SEC63: variants seen among roughly 807,000 people sequenced by gnomAD.
SEC63 encodes the protein translocation protein SEC63 homolog.
SEC63 carries 56 observed loss-of-function variants against 116.2 expected under a neutral mutation model. The observed-to-expected ratio is 0.48, with a 90% CI of 0.39 to 0.60. The LOEUF is 0.60. Among genes scored for constraint, SEC63 ranks in the 20% least tolerant of loss-of-function variants. The pLI, the probability that SEC63 is intolerant of heterozygous loss-of-function variation, is 0.00. For missense variants in SEC63, 668 were observed against 900.0 expected (o/e 0.74, Z 3.30); for synonymous variants, 273 against 294.6 (o/e 0.93, Z 0.75).
intron 14 of SEC63, 49 bp downstream of exon 14, chr6:107,897,600 G>A (rs1286277560): frequency 4.0e-6 from 5 of 1,244,834 alleles, no homozygotes; most frequent in South Asian, 3.6e-5. Flanking sequence ...AAATATAAAA[G>A]CCTTGACACA....
At chr6:107,953,534 C>T (rs1770624440) in intron 1 of SEC63, among the ~76,000 whole-genome samples, 1 of 144,822 alleles carries the variant, frequency 6.9e-6, no homozygotes, top group Non-Finnish European at 1.5e-5. Context: ...GGGGTCAGCC[C>T]CCCGCCCGGC....
At chr6:107,954,185 T>C (rs1296931619) in intron 1 of SEC63, among the ~76,000 whole-genome samples, 1 of 152,092 alleles carries the variant, frequency 6.6e-6, no homozygotes, top group Non-Finnish European at 1.5e-5. Context: ...CTGTGCTCTC[T>C]GAAACATGTG....
At chr6:107,927,627 A>C (rs1201908675) in intron 2 of SEC63, among the ~76,000 whole-genome samples, 1 of 152,188 alleles carries the variant, frequency 6.6e-6, no homozygotes, top group East Asian at 1.9e-4. Flanking sequence ...TTTTTCCTTG[A>C]AAACAGGTTC....
At chr6:107,945,975 C>T (rs183680989) in intron 1 of SEC63, among the ~76,000 whole-genome samples, 4 of 152,106 alleles carry the variant, frequency 2.6e-5, no homozygotes, top group African/African-American at 9.6e-5. Context: ...CTTACTCTGT[C>T]GCCCAGGCTG....
At chr6:107,874,450 G>C (rs2114390847) in intron 19 of SEC63, among the ~76,000 whole-genome samples, 1 of 152,032 alleles carries the variant, frequency 6.6e-6, no homozygotes, top group Middle Eastern at 3.4e-3. Flanking sequence ...TAAAAAATTA[G>C]CTGGGTGCAG....
At chr6:107,948,129 C>T (rs1770513366) in intron 1 of SEC63, among the ~76,000 whole-genome samples, 1 of 152,154 alleles carries the variant, frequency 6.6e-6, no homozygotes, top group African/African-American at 2.4e-5. Context: ...GTCACCTCCT[C>T]TGCATGAAAC....
At chr6:107,942,937 T>C (rs1019311815) in intron 1 of SEC63, among the ~76,000 whole-genome samples, 1 of 152,250 alleles carries the variant, frequency 6.6e-6, no homozygotes, top group African/African-American at 2.4e-5. Flanking sequence ...CTTTTTCTGG[T>C]ATTATCATGA....
At chr6:107,929,320 G>A in intron 2 of SEC63, 95 bp downstream of exon 2, 1 of 703,070 alleles carries the variant, frequency 1.4e-6, no homozygotes, top group Non-Finnish European at 2.5e-6. Flanking sequence ...TTTCTTTACA[G>A]ACACAATGAC....
chr6:107,878,112 T>C (rs945114340), intron 18 of SEC63, among the ~76,000 whole-genome samples: 5 of 152,188 alleles, frequency 3.3e-5, no homozygotes, highest in African/African-American at 1.2e-4. Flanking sequence ...TGTGTTCTAA[T>C]AAAACTTTAT....
intron 1 of SEC63, among the ~76,000 whole-genome samples, chr6:107,933,344 A>C (rs1254089908): frequency 6.6e-6 from 1 of 152,232 alleles, no homozygotes; most frequent in Non-Finnish European, 1.5e-5. Context: ...TAAACCAATG[A>C]GTTTGTAGTA....
chr6:107,911,304 TC>T (rs751689643), intron 7 of SEC63, 41 bp downstream of exon 7: 2 of 1,340,552 alleles, frequency 1.5e-6, no homozygotes, highest in African/African-American at 2.9e-5. Flanking sequence ...CATGTCAATC[TC>T]CTTTCCAAAA....
intron 16 of SEC63, among the ~76,000 whole-genome samples, chr6:107,892,315 C>T (rs951713744): frequency 2.6e-5 from 4 of 152,156 alleles, no homozygotes; most frequent in Admixed American, 2.0e-4. Flanking sequence ...CAACAAAGTG[C>T]CATTACAATT....
At position 107,918,949 on chromosome 6, in the gene SEC63, C is replaced by T. The variant is rs1787481984; in HGVS notation, c.452+2848G>A. On this transcript the variant is annotated intron_variant, in intron 4 of 20. Coordinates refer to ENST00000369002, the MANE Select transcript of SEC63 (RefSeq NM_007214.5). The stretch of plus-strand genomic sequence containing the variant: ...TTTTTGAGACAGAGTCTCACTCTGT[C>T]GCCCAGGCTGGAGTGCAATGGCACA... 9.2e-5 allele frequency among the ~76,000 whole-genome samples: 12 copies of T among 130,202 alleles called. No homozygotes were observed. In the South Asian group the frequency reaches 2.8e-3, roughly 30 times the overall value. 85.4% of individuals were successfully genotyped at this position (130,202 alleles called of 152,430 possible).
intron 3 of SEC63, 114 bp from the exon 4 acceptor site, chr6:107,922,023 G>C: frequency 1.5e-6 from 1 of 650,658 alleles, no homozygotes; most frequent in Non-Finnish European, 2.7e-6. Context: ...TCAGTATTTT[G>C]AGAAAGACAA....
intron 1 of SEC63, among the ~76,000 whole-genome samples, chr6:107,942,007 T>G (rs1453605879): frequency 2.6e-5 from 4 of 152,252 alleles, no homozygotes; most frequent in Non-Finnish European, 5.9e-5. Context: ...TTTTTAAAAT[T>G]TCTAAACATT....
intron 3 of SEC63, among the ~76,000 whole-genome samples, chr6:107,922,438 A>G (rs1046765157): frequency 2.6e-5 from 4 of 152,210 alleles, no homozygotes; most frequent in African/African-American, 9.6e-5. Context: ...CTCAGGAGGT[A>G]GAGGCTGCAG....
At chr6:107,897,910 G>A (rs1055028799) in intron 13 of SEC63, among the ~76,000 whole-genome samples, 179 bp from the exon 14 acceptor site, 1 of 152,130 alleles carries the variant, frequency 6.6e-6, no homozygotes, top group African/African-American at 2.4e-5. Context: ...TCCAGTAGAT[G>A]CTTTTAACAA....
chr6:107,889,356 T>C (rs1786617022), intron 16 of SEC63, among the ~76,000 whole-genome samples: 1 of 152,226 alleles, frequency 6.6e-6, no homozygotes, highest in Admixed American at 6.5e-5. Flanking sequence ...CCATTTCTTC[T>C]AGATTTTCTA....
rs542747912 is a variant in SEC63, at chr6:107,920,122, G to GT, written c.452+1674dup. 1.5e-3 allele frequency among the ~76,000 whole-genome samples: 227 copies of GT among 152,008 alleles called. 1 individual carries two copies. The highest frequency in any genetic ancestry group is 5.4e-3 in the African/African-American group (223 of 41,486). On this transcript the variant is annotated intron_variant, in intron 4 of 20. Transcript: ENST00000369002. ...ATTTTTAAATTAAGGTATGTACATT[G>GT]TTTTTTAAGACATAAGGCTGGCTGG...
Sources: gnomAD v4.1 joint callset for allele counts (sites outside exome capture counted in the v4.1 genomes callset) on GRCh38, gnomAD v4.1.1 for gene constraint, MANE v1.5 for transcripts, NCBI Gene and HGNC (gene_info 2026-07-23, HGNC 2026-07-21) for gene names.